The following SAMD5 variants were observed in gnomAD, a reference collection of about 807,000 sequenced individuals.
SAMD5 encodes sterile alpha motif domain containing 5.
SAMD5 carries 13 observed loss-of-function variants against 11.3 expected under a neutral mutation model. That is an observed-to-expected ratio of 1.15 (90% CI 0.75 to 1.83). The LOEUF (loss-of-function observed/expected upper bound fraction) is 1.83, where lower values mean the gene tolerates loss of function less well. Among genes scored for constraint, SAMD5 ranks in the 40% most tolerant of loss-of-function variants. SAMD5 has a pLI of 0.00. For missense variants in SAMD5, 255 were observed against 239.1 expected, an observed-to-expected ratio of 1.07 and a Z score of -0.44; for synonymous variants, 129 against 111.3, an observed-to-expected ratio of 1.16 and a Z score of -1.00.
chr6:147,722,199 C>T (rs929497102), intron 1 of SAMD5, among the ~76,000 whole-genome samples: 3 of 152,036 alleles, frequency 2.0e-5, no homozygotes, highest in Non-Finnish European at 4.4e-5. Flanking sequence ...CCCAACCTTG[C>T]CAATACCAGC....
At chr6:147,663,074 G>A (rs1371196059) in intron 1 of SAMD5, among the ~76,000 whole-genome samples, 1 of 152,202 alleles carries the variant, frequency 6.6e-6, no homozygotes, top group African/African-American at 2.4e-5. Flanking sequence ...TTAGTCAGAA[G>A]AAGGATTTGC....
In SAMD5 at chr6:147,509,142, C is replaced by T. The variant is rs1293987456; in HGVS notation, c.214C>T (p.Leu72Phe). ...LREQDANAAGLYFTLEPQPAP... is the reference protein window; with the variant it reads ...LREQDANAAGFYFTLEPQPAP... ...GGAGCAGGACGCCAACGCCGCCGGC[C>T]TCTACTTCACGCTTGAGCCGCAGCC... is the stretch of plus-strand genomic sequence containing the variant. Residue 72 changes from leucine (L) to phenylalanine (F), a missense_variant, in exon 1 of 2, where the codon CTC becomes TTC. Leu to Phe is a conservative substitution (Grantham distance 22). Coordinates refer to ENST00000367474, the MANE Select transcript of SAMD5 (RefSeq NM_001030060.3). 2.6e-6 allele frequency: 4 copies of T among 1,531,478 alleles called. No individual in the cohort carries two copies. Among genetic ancestry groups the T allele is most frequent in the Non-Finnish European group, 3.5e-6 (4 of 1,141,666 alleles). 94.9% of individuals were successfully genotyped at this position (1,531,478 alleles called of 1,614,324 possible).
chr6:147,693,079 C>T lies in SAMD5; in HGVS notation c.163-44238C>T, dbSNP rs141470133. Among the ~76,000 whole-genome samples the T allele has an allele frequency of 2.9e-3, 443 of 152,244 alleles. 6 individuals are homozygous for T. Among genetic ancestry groups the T allele is most frequent in the African/African-American group, 9.9e-3 (412 of 41,562 alleles). On this transcript the variant is annotated intron_variant, in intron 1 of 1. Transcript: ENST00000566741. ...CTCAATTAAAATCAGCCTGAGTGTGCGCTCTCTCCGACAATAGCTACACAA... is the reference window on the plus strand; with the variant it reads ...CTCAATTAAAATCAGCCTGAGTGTGTGCTCTCTCCGACAATAGCTACACAA...
intron 1 of SAMD5, among the ~76,000 whole-genome samples, chr6:147,687,278 T>A: frequency 3.1e-5 from 2 of 63,790 alleles, no homozygotes; most frequent in East Asian, 3.4e-4. Flanking sequence ...TCCTCCTTCT[T>A]TTTTTTTTTT....
At chr6:147,865,328 GTGTGTGTGT>G in the SAMD5 span, among the ~76,000 whole-genome samples, 1 of 25,342 alleles carries the variant, frequency 3.9e-5, no homozygotes, top group African/African-American at 2.6e-4. Context: ...GTGTGTGTGT[GTGTGTGTGT>G]GTGTGTGTGT....
At chr6:147,674,935 GA>G (rs1317359211) in intron 1 of SAMD5, among the ~76,000 whole-genome samples, 5 of 152,132 alleles carry the variant, frequency 3.3e-5, no homozygotes, top group African/African-American at 1.2e-4. Flanking sequence ...TTGAAGCCAA[GA>G]ACAGCATATG....
the SAMD5 span, among the ~76,000 whole-genome samples, chr6:147,836,696 C>T: frequency 6.6e-6 from 1 of 152,140 alleles, no homozygotes; most frequent in African/African-American, 2.4e-5. Context: ...TAAGTCTGAA[C>T]CAATGTAAAT....
chr6:147,833,007 T>C, the SAMD5 span, among the ~76,000 whole-genome samples: 5 of 152,222 alleles, frequency 3.3e-5, no homozygotes, highest in Non-Finnish European at 7.3e-5. Context: ...AATTGTTGTT[T>C]TTACTTTTCT....
intron 1 of SAMD5, among the ~76,000 whole-genome samples, chr6:147,725,950 G>A (rs1160138183): frequency 1.3e-5 from 2 of 152,174 alleles, no homozygotes; most frequent in Non-Finnish European, 2.9e-5. Context: ...CTTTAAACTG[G>A]ATAGGAATAT....
At chr6:147,895,322 T>A in the SAMD5 span, among the ~76,000 whole-genome samples, 1 of 152,182 alleles carries the variant, frequency 6.6e-6, no homozygotes, top group Non-Finnish European at 1.5e-5. Flanking sequence ...GAGTTAGAGA[T>A]GATTTCTTTG....
chr6:147,857,791 T>G, the SAMD5 span, among the ~76,000 whole-genome samples: 1 of 152,338 alleles, frequency 6.6e-6, no homozygotes, highest in Non-Finnish European at 1.5e-5. Flanking sequence ...GGCTAATTAA[T>G]TGGCATAAAA....
the SAMD5 span, among the ~76,000 whole-genome samples, chr6:147,950,985 A>G: frequency 6.6e-6 from 1 of 150,908 alleles, no homozygotes; most frequent in Non-Finnish European, 1.5e-5. Context: ...AGGCCATGTA[A>G]TAAATTCTAA....
the SAMD5 span, among the ~76,000 whole-genome samples, chr6:147,857,997 A>G: frequency 6.6e-6 from 1 of 152,098 alleles, no homozygotes; most frequent in African/African-American, 2.4e-5. Flanking sequence ...ATATCATCAT[A>G]TATGCCTAGG....
chr6:147,789,740 A>G, the SAMD5 span, among the ~76,000 whole-genome samples: 9 of 152,184 alleles, frequency 5.9e-5, no homozygotes, highest in African/African-American at 1.9e-4. Flanking sequence ...CCTCTTAGCT[A>G]TGCAGTTTTT....
At chr6:147,603,810 CA>C (rs922397475) in intron 1 of SAMD5, among the ~76,000 whole-genome samples, 1 of 151,986 alleles carries the variant, frequency 6.6e-6, no homozygotes, top group Admixed American at 6.6e-5. Context: ...ACAACAACAA[CA>C]AAAAACAAGC....
At chr6:147,608,079 A>G (rs844601) in intron 1 of SAMD5, among the ~76,000 whole-genome samples, 25,897 of 152,170 alleles carry the variant, frequency 0.17, 2,437 homozygotes, top group East Asian at 0.32. Context: ...AATCAAAACT[A>G]TAATGAGATA....
the SAMD5 span, among the ~76,000 whole-genome samples, chr6:147,881,789 G>T: frequency 1.3e-5 from 2 of 152,154 alleles, no homozygotes; most frequent in Non-Finnish European, 2.9e-5. Flanking sequence ...AGTTACACGG[G>T]TACTTGGAAT....
At chr6:147,556,939 A>C (rs952240930) in intron 1 of SAMD5, among the ~76,000 whole-genome samples, 2 of 152,244 alleles carry the variant, frequency 1.3e-5, no homozygotes, top group African/African-American at 4.8e-5. Flanking sequence ...GTAAATAATA[A>C]ATAAACCAGC....
the SAMD5 span, among the ~76,000 whole-genome samples, chr6:147,873,919 CA>C: frequency 2.0e-5 from 3 of 152,064 alleles, no homozygotes; most frequent in Non-Finnish European, 2.9e-5. Flanking sequence ...TCAAAAACCC[CA>C]AATTAGCAGC....
Sources: allele counts gnomAD v4.1 joint callset (sites outside exome capture counted in the v4.1 genomes callset), GRCh38; gene constraint gnomAD v4.1.1; transcripts MANE v1.5; gene names NCBI Gene and HGNC (gene_info 2026-07-23, HGNC 2026-07-21).